The following SMURF2 variants were observed in gnomAD, a reference collection of about 807,000 sequenced individuals.
SMURF2 encodes SMAD specific E3 ubiquitin protein ligase 2.
In SMURF2, 48 loss-of-function variants were observed where a neutral mutation model predicts 109.6. The observed-to-expected ratio is 0.44, with a 90% CI of 0.35 to 0.56. The LOEUF (loss-of-function observed/expected upper bound fraction) is 0.56, where lower values mean the gene tolerates loss of function less well. Among genes scored for constraint, SMURF2 ranks in the 20% least tolerant of loss-of-function variants. The pLI is 0.01. For synonymous variants in SMURF2, 288 were observed against 317.1 expected (o/e 0.91, Z 0.97); for missense variants, 575 against 909.0 (o/e 0.63, Z 4.72).
At chr17:64,612,913 G>T (rs1555689698) in intron 1 of SMURF2, among the ~76,000 whole-genome samples, 1 of 152,138 alleles carries the variant, frequency 6.6e-6, no homozygotes, top group Non-Finnish European at 1.5e-5. Flanking sequence ...TGTTCTAGAA[G>T]AAACAAGATT....
chr17:64,599,143 T>C (rs1555688354), intron 2 of SMURF2, among the ~76,000 whole-genome samples: 1 of 152,228 alleles, frequency 6.6e-6, no homozygotes, highest in Non-Finnish European at 1.5e-5. Context: ...CTATTCTAAA[T>C]ACATTTATCC....
chr17:64,582,900 A>G (rs1452028553), intron 7 of SMURF2, among the ~76,000 whole-genome samples: 1 of 145,594 alleles, frequency 6.9e-6, no homozygotes, highest in African/African-American at 2.7e-5. Flanking sequence ...TGCTTGGCCA[A>G]TATTTTTTTT....
At position 64,661,822 on chromosome 17, in the gene SMURF2, C is replaced by A. The variant is rs1392895642; in HGVS notation, c.52+7G>T. On this transcript the variant is annotated splice_region_variant and intron_variant, in intron 1 of 18. Coordinates refer to ENST00000262435, the MANE Select transcript of SMURF2 (RefSeq NM_022739.4). The stretch of plus-strand genomic sequence containing the variant: ...GCTGCCCAGCCCGGCCCGCCGCCCC[C>A]CCTCACCTGTCAGGCGCAGCTTGAC... The A allele has an allele frequency of 1.0e-4, 123 of 1,222,548 alleles. 1 individual carries two copies. Among genetic ancestry groups the A allele is most frequent in the Non-Finnish European group, 1.2e-4 (121 of 982,064 alleles). 75.7% of individuals were successfully genotyped at this position (1,222,548 alleles called of 1,614,324 possible).
rs570704806 is a variant in SMURF2, at chr17:64,655,519, A to C, written c.52+6310T>G. On this transcript the variant is annotated intron_variant, in intron 1 of 18. Coordinates refer to ENST00000262435, the MANE Select transcript of SMURF2 (RefSeq NM_022739.4). ...ATGATCCACCATCCTCAGCCTCCCCAAAGTCCAAGGATTACAACCGTGAGC... is the reference window on the plus strand; with the variant it reads ...ATGATCCACCATCCTCAGCCTCCCCCAAGTCCAAGGATTACAACCGTGAGC... 3.3e-5 allele frequency among the ~76,000 whole-genome samples: 5 copies of C among 151,954 alleles called. No individual in the cohort carries two copies. The South Asian group carries it at 8.3e-4, about 25-fold the overall frequency.
intron 2 of SMURF2, among the ~76,000 whole-genome samples, chr17:64,606,244 C>T (rs181997503): frequency 1.1e-3 from 168 of 152,188 alleles, no homozygotes; most frequent in African/African-American, 3.9e-3. Context: ...TAAAGTTTCC[C>T]ATGAAATTTT....
rs1568195559 is a variant in SMURF2 at position 64,613,709 on chromosome 17, T to TGTGTGA, written c.53-7070_53-7069insTCACAC. On this transcript the variant is annotated intron_variant, in intron 1 of 18. Transcript: ENST00000262435. ...GTGTGTGTGTGTGTGTGTGTGTGTG[T>TGTGTGA]GTGTGTGTGTGTGTGTGTGTGTGTG... 5.0e-4 allele frequency among the ~76,000 whole-genome samples: 65 copies of TGTGTGA among 129,724 alleles called. 1 individual carries two copies. Among genetic ancestry groups the TGTGTGA allele is most frequent in the African/African-American group, 2.1e-3 (62 of 29,984 alleles). The allele number at this position is 129,724 out of a possible 152,430, so 85.1% of individuals were successfully genotyped here.
At chr17:64,598,768 G>A (rs1203890340) in intron 2 of SMURF2, among the ~76,000 whole-genome samples, 1 of 152,166 alleles carries the variant, frequency 6.6e-6, no homozygotes, top group African/African-American at 2.4e-5. Flanking sequence ...TTAATAGGTT[G>A]TTACCAGCCC....
chr17:64,619,495 AAAAAAAAAG>A (rs1319160383), intron 1 of SMURF2, among the ~76,000 whole-genome samples: 2 of 151,200 alleles, frequency 1.3e-5, no homozygotes, highest in Admixed American at 6.6e-5. Flanking sequence ...AAAAAAAAAA[AAAAAAAAAG>A]AAGAAGAATA....
At chr17:64,592,149 C>G (rs1395756379) in intron 4 of SMURF2, among the ~76,000 whole-genome samples, 10 of 152,214 alleles carry the variant, frequency 6.6e-5, no homozygotes, top group Non-Finnish European at 1.2e-4. Flanking sequence ...CCTTTGCCAG[C>G]AGGCCTTTGC....
chr17:64,634,213 C>T (rs1970385340), intron 1 of SMURF2, among the ~76,000 whole-genome samples: 1 of 152,116 alleles, frequency 6.6e-6, no homozygotes, highest in Non-Finnish European at 1.5e-5. Context: ...CTAAGTAATA[C>T]AAGGGGGCTG....
At chr17:64,640,859 C>T (rs1555692502) in intron 1 of SMURF2, among the ~76,000 whole-genome samples, 1 of 148,298 alleles carries the variant, frequency 6.7e-6, no homozygotes, top group East Asian at 2.0e-4. Flanking sequence ...TCGGAGATTG[C>T]AGTAAGCCGA....
At chr17:64,600,577 T>A (rs1353114652) in intron 2 of SMURF2, among the ~76,000 whole-genome samples, 2 of 152,194 alleles carry the variant, frequency 1.3e-5, no homozygotes, top group Non-Finnish European at 2.9e-5. Flanking sequence ...CGCTTCCAAA[T>A]AATAAAGGAG....
chr17:64,635,306 G>A (rs7224616), intron 1 of SMURF2, among the ~76,000 whole-genome samples: 8,767 of 152,168 alleles, frequency 0.058, 401 homozygotes, highest in African/African-American at 0.12. Flanking sequence ...TGGCCTGGGC[G>A]ACAGAGCGAG....
intron 2 of SMURF2, among the ~76,000 whole-genome samples, chr17:64,605,632 G>A (rs868969019): frequency 7.3e-5 from 11 of 150,934 alleles, no homozygotes; most frequent in Non-Finnish European, 1.2e-4. Context: ...ACCCACTCAG[G>A]AGGGTGAGAT....
At position 64,581,852 on chromosome 17, in the gene SMURF2, C is replaced by T. The variant is rs1406297540; in HGVS notation, c.570-861G>A. Among the ~76,000 whole-genome samples the T allele has an allele frequency of 6.6e-6, 1 of 150,976 alleles. No homozygotes were observed. The highest frequency in any genetic ancestry group is 1.5e-5 in the Non-Finnish European group (1 of 67,816). ...CCCAGCTACTCGGGAGGCTGAGGTACGAGAATTGCTTGAATCCAGGAGGCA... is the reference window on the plus strand; with the variant it reads ...CCCAGCTACTCGGGAGGCTGAGGTATGAGAATTGCTTGAATCCAGGAGGCA... On this transcript the variant is annotated intron_variant, in intron 7 of 18. Transcript: ENST00000262435. This position sits in a 1 kb window ranked among gnomAD's most constrained non-coding sequence, Gnocchi z 4.3.
At chr17:64,587,723 C>G (rs1969683165) in intron 5 of SMURF2, among the ~76,000 whole-genome samples, 1 of 152,166 alleles carries the variant, frequency 6.6e-6, no homozygotes, top group African/African-American at 2.4e-5. Context: ...GGAGAGAACA[C>G]TATGAACACC....
chr17:64,632,200 C>G (rs1970360996), intron 1 of SMURF2, among the ~76,000 whole-genome samples: 2 of 152,116 alleles, frequency 1.3e-5, no homozygotes, highest in African/African-American at 4.8e-5. Context: ...CTCAAATGAT[C>G]TGCCCACCTC....
intron 1 of SMURF2, among the ~76,000 whole-genome samples, chr17:64,633,985 T>C (rs1171552452): frequency 6.6e-6 from 1 of 152,054 alleles, no homozygotes; most frequent in African/African-American, 2.4e-5. Context: ...GGCGAAACTG[T>C]CTCTACTAAA....
chr17:64,583,567 TA>T (rs1555686783), intron 6 of SMURF2, 23 bp from the exon 7 acceptor site: 1 of 1,585,150 alleles, frequency 6.3e-7, no homozygotes, highest in Non-Finnish European at 8.7e-7. Flanking sequence ...TATTGAGTGA[TA>T]AGGCATTAAT....
Sources: gnomAD v4.1 joint callset for allele counts (sites outside exome capture counted in the v4.1 genomes callset) on GRCh38, gnomAD v4.1.1 for gene constraint, Gnocchi (gnomAD v3.1) non-coding constraint, MANE v1.5 for transcripts, NCBI Gene and HGNC (gene_info 2026-07-23, HGNC 2026-07-21) for gene names.